The following AADAC variants were observed in gnomAD, a reference collection of about 807,000 sequenced individuals.
AADAC encodes arylacetamide deacetylase (esterase).
Under a neutral mutation model 22.7 loss-of-function variants are expected in AADAC, and 17 were observed. The ratio of observed to expected loss-of-function variants is 0.75; its 90% CI spans 0.51 to 1.12. The LOEUF is 1.12. Ranked by LOEUF, AADAC falls within the 50% of genes most tolerant of loss-of-function variation. The probability of loss-of-function intolerance (pLI) is 0.00; values close to 1 mark genes in which losing one functional copy is unlikely to be tolerated. For missense variants in AADAC, 465 were observed against 473.9 expected (o/e 0.98, Z 0.17); for synonymous variants, 167 against 176.3 (o/e 0.95, Z 0.42).
intron 1 of AADAC, among the ~76,000 whole-genome samples, chr3:151,816,503 C>G (rs1056740544): frequency 6.6e-5 from 10 of 151,962 alleles, no homozygotes; most frequent in African/African-American, 1.9e-4. Flanking sequence ...TCACACTTAA[C>G]TCTGAGATTC....
In AADAC at chr3:151,828,322, C is replaced by G. The variant is rs1336992772; in HGVS notation, c.*150C>G. 1 of 434,076 alleles carries G rather than the reference C, an allele frequency of 2.3e-6. No individual in the cohort carries two copies. The highest frequency in any genetic ancestry group is 2.1e-5 in the African/African-American group (1 of 48,696). The allele number at this position is 434,076 out of a possible 1,614,324, so 26.9% of individuals were successfully genotyped here. A position where few individuals can be genotyped will look rare whatever the true frequency, so the allele number is the denominator to read the frequency against. On this transcript the variant is annotated 3_prime_UTR_variant, in exon 5 of 5. Transcript: ENST00000232892. Reference sequence around the variant, plus strand: ...GCACTTTTCTGTTTTTTTTTTCTTACTGTGGGATTTCATTTCAATTTTCTA... The same window carrying G: ...GCACTTTTCTGTTTTTTTTTTCTTAGTGTGGGATTTCATTTCAATTTTCTA...
intron 4 of AADAC, 100 bp downstream of exon 4, chr3:151,824,934 C>A: frequency 2.1e-6 from 2 of 931,510 alleles, no homozygotes; most frequent in South Asian, 3.8e-5. Context: ...AATATGAATG[C>A]AAATAGGAGA....
intron 2 of AADAC, among the ~76,000 whole-genome samples, 177 bp downstream of exon 2, chr3:151,817,765 AT>A (rs1204629031): frequency 2.0e-5 from 3 of 152,128 alleles, no homozygotes; most frequent in Admixed American, 2.0e-4. Context: ...TTTTCCACAT[AT>A]GCATTTCCTC....
In AADAC at chr3:151,817,593, G is replaced by C; in HGVS notation, c.361+5G>C. ...GCTGGTGCGTGGGAAGTGCTGGTAA[G>C]TGAATGCTTTGAAAAATCTCTGTCA... On this transcript the variant is annotated splice_donor_5th_base_variant and intron_variant, in intron 2 of 4. Transcript: ENST00000232892. 1.2e-6 allele frequency: 2 copies of C among 1,611,454 alleles called. No homozygotes were observed. The highest frequency in any genetic ancestry group is 1.1e-5 in the South Asian group (1 of 91,034).
intron 2 of AADAC, 59 bp from the exon 3 acceptor site, chr3:151,820,324 A>G: frequency 4.6e-6 from 6 of 1,300,276 alleles, no homozygotes; most frequent in Non-Finnish European, 5.3e-6. Flanking sequence ...TGTGAAGGAA[A>G]CAGCCTTGTC....
At chr3:151,820,516 CTTTTT>C (rs34039248) in intron 3 of AADAC, 64 bp downstream of exon 3, 515 of 412,274 alleles carry the variant, frequency 1.2e-3, no homozygotes, top group East Asian at 2.6e-3. Context: ...TCTCAGCTTT[CTTTTT>C]TTTTTTTTTT....
intron 4 of AADAC, among the ~76,000 whole-genome samples, chr3:151,825,963 C>G (rs77272139): frequency 0.087 from 13,217 of 151,824 alleles, 809 homozygotes; most frequent in Non-Finnish European, 0.12. Context: ...AATCCCAGCA[C>G]TCTGGGATTA....
intron 1 of AADAC, among the ~76,000 whole-genome samples, chr3:151,815,658 TTTAA>T (rs1416018431): frequency 2.6e-5 from 4 of 151,924 alleles, no homozygotes; most frequent in African/African-American, 7.2e-5. Context: ...CTGGTAGCCT[TTTAA>T]TTAATTAATT....
chr3:151,816,630 T>C (rs138823283), intron 1 of AADAC, among the ~76,000 whole-genome samples: 195 of 152,120 alleles, frequency 1.3e-3, no homozygotes, highest in African/African-American at 4.6e-3. Context: ...AAACTTCATC[T>C]TTGCCCTCTG....
chr3:151,827,899 A>G lies in AADAC; in HGVS notation c.927A>G (p.Lys309=). 3 of 1,611,936 alleles carry G rather than the reference A, an allele frequency of 1.9e-6. No individual in the cohort carries two copies. The highest frequency in any genetic ancestry group is 2.5e-6 in the Non-Finnish European group (3 of 1,179,080). Residue 309 remains lysine (K), a synonymous_variant, in exon 5 of 5, where the codon AAA becomes AAG. Transcript: ENST00000232892. The stretch of plus-strand genomic sequence containing the variant: ...ATTATGGCAGTTCTGAGCTGGCTAA[A>G]AAATATCCAGGGTTCCTAGATGTGA... The part of the protein sequence containing the change: ...NPNYGSSELA[K]KYPGFLDVRA...
Position 151,827,630 on chromosome 3 carries a change from C to A in AADAC, c.658C>A (p.Pro220Thr). ...ACTCAAGATCCAGTCTTTAATTTATCCTGCCCTTCAGCCTCTTGATGTAGA... is the reference window on the plus strand; with the variant it reads ...ACTCAAGATCCAGTCTTTAATTTATACTGCCCTTCAGCCTCTTGATGTAGA... ...IKLKIQSLIY[P>T]ALQPLDVDLP... Residue 220 changes from proline (P) to threonine (T), a missense_variant, in exon 5 of 5, where the codon CCT becomes ACT. Pro to Thr is a conservative substitution (Grantham distance 38). Coordinates refer to ENST00000232892, the MANE Select transcript of AADAC (RefSeq NM_001086.3). 1 of 1,606,714 alleles carries A rather than the reference C, an allele frequency of 6.2e-7. No homozygotes were observed. The highest frequency in any genetic ancestry group is 2.2e-5 in the East Asian group (1 of 44,824).
chr3:151,814,717 A>C (rs1181288028), intron 1 of AADAC, among the ~76,000 whole-genome samples: 1 of 152,020 alleles, frequency 6.6e-6, no homozygotes. Context: ...ATATAGACTA[A>C]GGACACGTAA....
At chr3:151,818,396 C>T (rs567079344) in intron 2 of AADAC, among the ~76,000 whole-genome samples, 4 of 151,988 alleles carry the variant, frequency 2.6e-5, no homozygotes, top group African/African-American at 9.6e-5. Context: ...GAAGAAAAAC[C>T]TTAGACAAAT....
intron 3 of AADAC, 63 bp downstream of exon 3, chr3:151,820,515 T>TA: frequency 2.4e-4 from 243 of 1,030,360 alleles, no homozygotes; most frequent in Non-Finnish European, 2.9e-4. Flanking sequence ...TTCTCAGCTT[T>TA]CTTTTTTTTT....
At chr3:151,820,118 G>C (rs1716175005) in intron 2 of AADAC, among the ~76,000 whole-genome samples, 1 of 149,724 alleles carries the variant, frequency 6.7e-6, no homozygotes, top group Non-Finnish European at 1.5e-5. Context: ...GAATGAGTCT[G>C]ACACAGAAGG....
At chr3:151,825,516 T>A (rs1716452675) in intron 4 of AADAC, among the ~76,000 whole-genome samples, 1 of 152,000 alleles carries the variant, frequency 6.6e-6, no homozygotes, top group African/African-American at 2.4e-5. Context: ...CGAATTCATA[T>A]AATCTTCGAT....
chr3:151,825,052 T>C (rs546577714), intron 4 of AADAC, among the ~76,000 whole-genome samples: 1 of 151,786 alleles, frequency 6.6e-6, no homozygotes, highest in Non-Finnish European at 1.5e-5. Flanking sequence ...CTTAAGGGAA[T>C]GTTAATTCTT....
Position 151,817,584 on chromosome 3 carries a change from T to C in AADAC, c.357T>C (p.Ser119=), listed in dbSNP as rs776529689. The C allele has an allele frequency of 1.9e-6, 3 of 1,612,480 alleles. No individual in the cohort carries two copies. In the African/African-American group the frequency reaches 4.0e-5, roughly 22 times the overall value. The stretch of plus-strand genomic sequence containing the variant: ...ATGGTGGAGGCTGGTGCGTGGGAAG[T>C]GCTGGTAAGTGAATGCTTTGAAAAA... ...YIHGGGWCVG[S]AALSGYDLLS... Residue 119 remains serine, a synonymous_variant, in exon 2 of 5, where the codon AGT becomes AGC. Coordinates refer to ENST00000232892, the MANE Select transcript of AADAC (RefSeq NM_001086.3).
Position 151,827,512 on chromosome 3 carries a change from T to A in AADAC, c.604-64T>A, listed in dbSNP as rs576256218. 528 of 981,038 alleles carry A rather than the reference T, an allele frequency of 5.4e-4. 1 individual carries two copies. The highest frequency in any genetic ancestry group is 2.9e-3 in the Middle Eastern group (10 of 3,426). 60.8% of individuals were successfully genotyped at this position (981,038 alleles called of 1,614,324 possible). A position where few individuals can be genotyped will look rare whatever the true frequency, so the allele number is the denominator to read the frequency against. ...ACAAGATAGATAGACAGATAGATAA[T>A]CTTATTAGGGATATTTTATTGTTTT... On this transcript the variant is annotated intron_variant, in intron 4 of 4. Coordinates refer to ENST00000232892, the MANE Select transcript of AADAC (RefSeq NM_001086.3).
Sources: gnomAD v4.1 joint callset for allele counts (sites outside exome capture counted in the v4.1 genomes callset) on GRCh38, gnomAD v4.1.1 for gene constraint, MANE v1.5 for transcripts, NCBI Gene and HGNC (gene_info 2026-07-23, HGNC 2026-07-21) for gene names.